The following COBL variants were observed in gnomAD, a reference collection of about 807,000 sequenced individuals.
COBL encodes cordon-bleu WH2 repeat protein, also known as protein cordon-bleu.
In COBL, 51 loss-of-function variants were observed where a neutral mutation model predicts 98.8. That is an observed-to-expected ratio of 0.52 (90% CI 0.41 to 0.65). The LOEUF (loss-of-function observed/expected upper bound fraction) is 0.65, where lower values mean the gene tolerates loss of function less well. COBL is among the 30% of genes least tolerant of loss of function. The pLI is 0.00. For missense variants in COBL, 1,617 were observed against 1,617.5 expected (o/e 1.00, Z 0.01); for synonymous variants, 634 against 651.7 (o/e 0.97, Z 0.41).
chr7:51,052,488 T>C (rs1562847448), intron 7 of COBL, among the ~76,000 whole-genome samples: 1 of 152,220 alleles, frequency 6.6e-6, no homozygotes, highest in African/African-American at 2.4e-5. Context: ...AGTCCTTTTT[T>C]ACACATTTCT....
At chr7:51,018,911 T>A (rs1051403397) in intron 12 of COBL, among the ~76,000 whole-genome samples, 2,742 of 9,946 alleles carry the variant, frequency 0.28, 578 homozygotes, top group Non-Finnish European at 0.36. Flanking sequence ...AAAAAATATA[T>A]ATATATATAT....
chr7:51,139,690 T>G (rs1056728991), intron 5 of COBL, among the ~76,000 whole-genome samples: 5 of 152,204 alleles, frequency 3.3e-5, no homozygotes, highest in Non-Finnish European at 5.9e-5. Flanking sequence ...TTGTGCTTCA[T>G]TTCTATCTTC....
intron 6 of COBL, among the ~76,000 whole-genome samples, chr7:51,113,155 A>G (rs1336180484): frequency 6.6e-6 from 1 of 152,178 alleles, no homozygotes; most frequent in Non-Finnish European, 1.5e-5. Context: ...GCTCATTTGG[A>G]GCATCTATGC....
intron 6 of COBL, among the ~76,000 whole-genome samples, chr7:51,086,037 T>C (rs983836570): frequency 2.0e-5 from 3 of 152,200 alleles, no homozygotes; most frequent in African/African-American, 7.2e-5. Context: ...ATCTGTTTTG[T>C]CTGTAAAATT....
rs761778176 is a variant in COBL, at chr7:51,193,464, A to G, written c.371T>C (p.Ile124Thr). 3.1e-6 allele frequency: 5 copies of G among 1,614,188 alleles called. No individual in the cohort carries two copies. Among genetic ancestry groups the G allele is most frequent in the South Asian group, 1.1e-5 (1 of 91,082 alleles). ...QPLSFKPNTL[I>T]GTLNVHTVFL... ...CACAGTATGCACATTCAGGGTCCCA[A>G]TCAAAGTATTTGGCTTAAAACTCAA... Residue 124 changes from isoleucine to threonine, a missense_variant, in exon 3 of 13, where the codon ATT becomes ACT. Ile to Thr is a moderately conservative substitution (Grantham distance 89, BLOSUM62 -1). Transcript: ENST00000265136.
chr7:51,099,301 G>C (rs1795600594), intron 6 of COBL, among the ~76,000 whole-genome samples: 1 of 152,184 alleles, frequency 6.6e-6, no homozygotes. Flanking sequence ...ATTTCAAAGA[G>C]ATGTGTTCTT....
intron 1 of COBL, among the ~76,000 whole-genome samples, chr7:51,309,114 A>G (rs956768247): frequency 1.3e-5 from 2 of 152,146 alleles, no homozygotes; most frequent in Non-Finnish European, 2.9e-5. Context: ...CCCGGCCCTC[A>G]CAGGAGTCAT....
At chr7:51,262,576 A>G (rs1563101293) in intron 1 of COBL, among the ~76,000 whole-genome samples, 2 of 152,232 alleles carry the variant, frequency 1.3e-5, no homozygotes, top group Non-Finnish European at 2.9e-5. Context: ...AAGTCACGAC[A>G]GGCAGCGCCA....
intron 6 of COBL, among the ~76,000 whole-genome samples, chr7:51,134,696 T>C (rs1368516622): frequency 1.3e-5 from 2 of 152,198 alleles, no homozygotes; most frequent in African/African-American, 4.8e-5. Flanking sequence ...CCCAGGGGCA[T>C]GTAGCTGGGA....
intron 6 of COBL, among the ~76,000 whole-genome samples, chr7:51,127,510 T>G (rs1798326083): frequency 6.6e-6 from 1 of 152,246 alleles, no homozygotes; most frequent in African/African-American, 2.4e-5. Flanking sequence ...GGCTGCATTT[T>G]GCTTTGGACA....
chr7:51,193,711 A>G, intron 2 of COBL, 122 bp from the exon 3 acceptor site: 1 of 809,700 alleles, frequency 1.2e-6, no homozygotes, highest in Non-Finnish European at 2.0e-6. Context: ...TGCTTATGAA[A>G]AAAGACAACA....
intron 7 of COBL, among the ~76,000 whole-genome samples, chr7:51,069,088 A>G (rs1026984668): frequency 6.6e-6 from 1 of 152,218 alleles, no homozygotes; most frequent in African/African-American, 2.4e-5. Flanking sequence ...CAGACATGAA[A>G]GGTAATTTGC....
intron 1 of COBL, among the ~76,000 whole-genome samples, chr7:51,233,573 CTGA>C (rs1231406256): frequency 6.6e-6 from 1 of 152,160 alleles, no homozygotes; most frequent in Non-Finnish European, 1.5e-5. Context: ...CTGCCGCCTG[CTGA>C]TAAGCCCCGT....
At chr7:51,215,982 G>A (rs1361786938) in intron 2 of COBL, among the ~76,000 whole-genome samples, 3 of 151,670 alleles carry the variant, frequency 2.0e-5, no homozygotes, top group South Asian at 2.1e-4. Context: ...TGTTGTAAAG[G>A]GGATGCAATG....
chr7:51,226,113 G>A (rs1314940297), intron 1 of COBL, among the ~76,000 whole-genome samples: 1 of 152,202 alleles, frequency 6.6e-6, no homozygotes, highest in Non-Finnish European at 1.5e-5. Flanking sequence ...AAAGTGGACT[G>A]GGAAATCCAC....
At chr7:51,105,342 G>A (rs1796164077) in intron 6 of COBL, among the ~76,000 whole-genome samples, 1 of 152,198 alleles carries the variant, frequency 6.6e-6, no homozygotes, top group South Asian at 2.1e-4. Context: ...TGCCTGCCCT[G>A]CTACCCACCA....
At chr7:51,228,356 T>A (rs960048387) in intron 1 of COBL, among the ~76,000 whole-genome samples, 12 of 151,428 alleles carry the variant, frequency 7.9e-5, no homozygotes, top group Non-Finnish European at 1.8e-4. Context: ...TGGTGGTAAT[T>A]ACAAATTTTT....
At chr7:51,180,016 C>A (rs114105931) in intron 5 of COBL, among the ~76,000 whole-genome samples, 2,812 of 152,318 alleles carry the variant, frequency 0.018, 78 homozygotes, top group African/African-American at 0.064. Flanking sequence ...CTATGGTGGG[C>A]AAACTGAGAC....
chr7:51,288,422 CAAAAAA>C (rs71021764), intron 1 of COBL, among the ~76,000 whole-genome samples: 1 of 102,778 alleles, frequency 9.7e-6, no homozygotes, highest in African/African-American at 3.7e-5. Context: ...CAACAGTCTC[CAAAAAA>C]AAAAAAAAAG....
Sources: gnomAD v4.1 joint callset for allele counts (sites outside exome capture counted in the v4.1 genomes callset) on GRCh38, gnomAD v4.1.1 for gene constraint, MANE v1.5 for transcripts, NCBI Gene and HGNC (gene_info 2026-07-23, HGNC 2026-07-21) for gene names.